The following WWTR1 variants were observed in gnomAD, a reference collection of about 807,000 sequenced individuals.
WWTR1 encodes WW domain containing transcription regulator 1.
In WWTR1, 13 loss-of-function variants were observed where a neutral mutation model predicts 40.1. That is an observed-to-expected ratio of 0.32 (90% confidence interval 0.21 to 0.52). WWTR1 has a LOEUF of 0.52. WWTR1 is among the 20% of genes least tolerant of loss of function. WWTR1 has a pLI of 0.97. For missense variants in WWTR1, 436 were observed against 523.1 expected (o/e 0.83, Z 1.63); for synonymous variants, 230 against 210.1 (o/e 1.09, Z -0.82).
intron 2 of WWTR1, among the ~76,000 whole-genome samples, chr3:149,645,376 GC>G (rs1712459287): frequency 6.6e-6 from 1 of 152,046 alleles, no homozygotes; most frequent in African/African-American, 2.4e-5. Context: ...ACCACGCCTG[GC>G]CCCAGGCTGC....
At chr3:149,611,242 C>G (rs1039319265) in intron 2 of WWTR1, among the ~76,000 whole-genome samples, 2 of 152,074 alleles carry the variant, frequency 1.3e-5, no homozygotes, top group Non-Finnish European at 2.9e-5. Flanking sequence ...TACGCAGAAC[C>G]AAGAAAGCTG....
intron 2 of WWTR1, among the ~76,000 whole-genome samples, chr3:149,622,768 T>C (rs1440451256): frequency 1.3e-5 from 2 of 152,104 alleles, no homozygotes; most frequent in Non-Finnish European, 2.9e-5. Context: ...TGCATGCCTG[T>C]AGTCCCAGCT....
chr3:149,615,642 T>C (rs1394941423), intron 2 of WWTR1, among the ~76,000 whole-genome samples: 2 of 152,248 alleles, frequency 1.3e-5, no homozygotes, highest in African/African-American at 2.4e-5. Flanking sequence ...ACTTACTACG[T>C]GCCCAGCACT....
At chr3:149,623,213 A>G in intron 2 of WWTR1, among the ~76,000 whole-genome samples, 1 of 152,032 alleles carries the variant, frequency 6.6e-6, no homozygotes, top group East Asian at 1.9e-4. Context: ...AAAATACAAA[A>G]TTATTTGAGT....
At position 149,556,631 on chromosome 3, in the gene WWTR1, A is replaced by G. The variant is rs568040801; in HGVS notation, c.569-14094T>C. 3.9e-5 allele frequency among the ~76,000 whole-genome samples: 6 copies of G among 152,212 alleles called. No homozygotes were observed. In the South Asian group the frequency reaches 1.2e-3, roughly 32 times the overall value. On this transcript the variant is annotated intron_variant, in intron 3 of 6. Transcript: ENST00000360632. ...AGGAAAGAGGCCACTCCTTGGGATC[A>G]ATGCCTCTCGGTTTGTTGTCTCTCA... is the stretch of plus-strand genomic sequence containing the variant.
chr3:149,646,751 G>A lies in WWTR1; in HGVS notation c.431+10125C>T, dbSNP rs377753164. Among the ~76,000 whole-genome samples, 29 of 152,314 alleles carry A rather than the reference G, an allele frequency of 1.9e-4. No individual in the cohort carries two copies. In the South Asian group the frequency reaches 2.3e-3, roughly 12 times the overall value. ...TAGCTAACAAATTAGATGGGAACCG[G>A]AGAGCTGTTCTTTGGGCAAAGAATA... is the stretch of plus-strand genomic sequence containing the variant. On this transcript the variant is annotated intron_variant, in intron 2 of 6. Transcript: ENST00000360632.
At chr3:149,642,824 A>G (rs1388984193) in intron 2 of WWTR1, among the ~76,000 whole-genome samples, 1 of 152,130 alleles carries the variant, frequency 6.6e-6, no homozygotes, top group Non-Finnish European at 1.5e-5. Context: ...GCATATGCAT[A>G]GGGTTATATT....
At chr3:149,539,058 A>G (rs1735962043) in intron 4 of WWTR1, among the ~76,000 whole-genome samples, 1 of 152,140 alleles carries the variant, frequency 6.6e-6, no homozygotes, top group African/African-American at 2.4e-5. Flanking sequence ...CATTTTGTTA[A>G]TGTTCTCGCA....
At chr3:149,568,683 C>T (rs538596194) in intron 3 of WWTR1, among the ~76,000 whole-genome samples, 1 of 152,136 alleles carries the variant, frequency 6.6e-6, no homozygotes, top group East Asian at 1.9e-4. Flanking sequence ...TCCAGGATGA[C>T]TAAGTAATGG....
intron 1 of WWTR1, among the ~76,000 whole-genome samples, chr3:149,678,060 C>A (rs1714330816): frequency 6.6e-6 from 1 of 152,096 alleles, no homozygotes; most frequent in African/African-American, 2.4e-5. Context: ...CGGGGGCCAC[C>A]ACACCCAGCC....
At chr3:149,662,660 CCTT>C (rs1194667239), upstream of WWTR1, among the ~76,000 whole-genome samples, 1 of 152,176 alleles carries the variant, frequency 6.6e-6, no homozygotes, top group Non-Finnish European at 1.5e-5. Context: ...TTTCTGGTCT[CCTT>C]CTTTTATGAT....
intron 3 of WWTR1, among the ~76,000 whole-genome samples, chr3:149,567,715 G>C (rs142378287): frequency 5.3e-5 from 8 of 152,176 alleles, no homozygotes; most frequent in Admixed American, 2.0e-4. Flanking sequence ...ACCAAGACAT[G>C]GACTACCTAA....
intron 1 of WWTR1, among the ~76,000 whole-genome samples, chr3:149,676,757 A>C (rs1307492407): frequency 1.3e-5 from 2 of 152,082 alleles, no homozygotes. Flanking sequence ...TAAGGGAGAC[A>C]ATAAAGGGAG....
intron 3 of WWTR1, among the ~76,000 whole-genome samples, chr3:149,563,945 G>A (rs1404254780): frequency 6.6e-6 from 1 of 152,080 alleles, no homozygotes; most frequent in Non-Finnish European, 1.5e-5. Flanking sequence ...GTGGAGACGG[G>A]GTTTCGCCAT....
chr3:149,565,532 C>T (rs1446736965), intron 3 of WWTR1, among the ~76,000 whole-genome samples: 2 of 152,074 alleles, frequency 1.3e-5, no homozygotes, highest in African/African-American at 4.8e-5. Flanking sequence ...TGCTTTATTA[C>T]ATAAAAGGAA....
At chr3:149,593,219 G>A (rs188413596) in intron 2 of WWTR1, among the ~76,000 whole-genome samples, 13 of 152,292 alleles carry the variant, frequency 8.5e-5, no homozygotes, top group African/African-American at 2.4e-4. Context: ...ACGTAGAATC[G>A]AGAAGACCAT....
chr3:149,530,349 A>G (rs941319987), intron 4 of WWTR1, among the ~76,000 whole-genome samples: 10 of 72,114 alleles, frequency 1.4e-4, no homozygotes, highest in Non-Finnish European at 1.7e-4. Context: ...CTCTGTCTCA[A>G]AAAAAGAAAA....
intron 5 of WWTR1, among the ~76,000 whole-genome samples, chr3:149,710,864 C>G (rs947691728): frequency 6.6e-6 from 1 of 152,020 alleles, no homozygotes; most frequent in African/African-American, 2.4e-5. Context: ...CAGGCATGAG[C>G]CACTGCACCT....
At chr3:149,709,096 C>T (rs1328803294) in intron 5 of WWTR1, among the ~76,000 whole-genome samples, 1 of 152,142 alleles carries the variant, frequency 6.6e-6, no homozygotes, top group Non-Finnish European at 1.5e-5. Context: ...CCACCCCAGC[C>T]TCCTGAGTAC....
Sources: gnomAD v4.1 joint callset for allele counts (sites outside exome capture counted in the v4.1 genomes callset) on GRCh38, gnomAD v4.1.1 for gene constraint, MANE v1.5 for transcripts, NCBI Gene and HGNC (gene_info 2026-07-23, HGNC 2026-07-21) for gene names.